CCDC66: variants seen among roughly 807,000 people sequenced by gnomAD.
CCDC66 encodes coiled-coil domain-containing protein 66.
In CCDC66, 133 loss-of-function variants were observed where a neutral mutation model predicts 128.3. The observed-to-expected ratio is 1.04, with a 90% confidence interval of 0.90 to 1.20. The LOEUF is 1.20. Ranked by LOEUF, CCDC66 falls within the 50% of genes most tolerant of loss-of-function variation. The probability of loss-of-function intolerance (pLI) is 0.00; values close to 1 mark genes in which losing one functional copy is unlikely to be tolerated. For missense variants in CCDC66, 1,126 were observed against 1,075.5 expected (o/e 1.05, Z -0.66); for synonymous variants, 387 against 357.0 (o/e 1.08, Z -0.95).
intron 1 of CCDC66, among the ~76,000 whole-genome samples, chr3:56,557,541 G>A (rs1160215862): frequency 6.6e-6 from 1 of 152,232 alleles, no homozygotes; most frequent in Non-Finnish European, 1.5e-5. Flanking sequence ...GAGAGGTGAG[G>A]AGGAAAGGAG....
At chr3:56,567,607 A>G (rs1022493510) in intron 6 of CCDC66, among the ~76,000 whole-genome samples, 25 of 152,258 alleles carry the variant, frequency 1.6e-4, no homozygotes, top group African/African-American at 5.8e-4. Flanking sequence ...TTGAGGTTAC[A>G]GAAACAATAG....
chr3:56,593,554 T>A lies in CCDC66; in HGVS notation c.1132T>A (p.Ser378Thr). The A allele has an allele frequency of 6.2e-7, 1 of 1,614,108 alleles. No individual in the cohort carries two copies. Among genetic ancestry groups the A allele is most frequent in the Non-Finnish European group, 8.5e-7 (1 of 1,179,964 alleles). ...DSLKSYPGSQ[S>T]QLFSQSTHKQ... ...ATTAAAGAGTTATCCTGGTTCTCAA[T>A]CTCAGCTGTTCTCTCAGTCAACACA... Residue 378 changes from serine (S) to threonine (T), a missense_variant, in exon 9 of 18, where the codon TCT (serine) becomes ACT (threonine). Ser to Thr is a moderately conservative substitution (Grantham distance 58). Transcript: ENST00000394672.
At chr3:56,592,884 G>T (rs1281584386) in intron 7 of CCDC66, 86 bp from the exon 8 acceptor site, 2 of 1,406,888 alleles carry the variant, frequency 1.4e-6, no homozygotes, top group Admixed American at 2.3e-5. Flanking sequence ...GATTAAATCT[G>T]TATGTTACTT....
chr3:56,566,907 A>G (rs778885250), intron 5 of CCDC66, 43 bp from the exon 6 acceptor site: 10 of 1,548,930 alleles, frequency 6.5e-6, no homozygotes, highest in Non-Finnish European at 8.9e-6. Context: ...GTTGTGTAGA[A>G]ATGTATGATA....
intron 10 of CCDC66, among the ~76,000 whole-genome samples, chr3:56,609,044 A>G (rs2074447599): frequency 6.6e-6 from 1 of 152,092 alleles, no homozygotes; most frequent in African/African-American, 2.4e-5. Flanking sequence ...TATTTTGGAG[A>G]AAGTTCCACG....
At chr3:56,571,911 G>A (rs1225048648) in intron 7 of CCDC66, among the ~76,000 whole-genome samples, 1 of 137,602 alleles carries the variant, frequency 7.3e-6, no homozygotes, top group Non-Finnish European at 1.7e-5. Flanking sequence ...TTTAGAGACA[G>A]GGTCTCACTG....
intron 10 of CCDC66, among the ~76,000 whole-genome samples, chr3:56,613,206 C>T (rs1382566953): frequency 1.3e-5 from 2 of 152,138 alleles, no homozygotes; most frequent in African/African-American, 2.4e-5. Context: ...TTCATGTGGT[C>T]TCCAGGTAAC....
intron 7 of CCDC66, among the ~76,000 whole-genome samples, chr3:56,574,512 G>A (rs967907531): frequency 6.6e-6 from 1 of 151,808 alleles, no homozygotes; most frequent in African/African-American, 2.4e-5. Context: ...AATCCCAGCT[G>A]TAGCCACAAC....
rs1050541317 is a variant in CCDC66, at chr3:56,600,341, A to G, written c.1404+6313A>G. 3.3e-5 allele frequency among the ~76,000 whole-genome samples: 5 copies of G among 151,360 alleles called. No homozygotes were observed. In the East Asian group the frequency reaches 7.8e-4, roughly 24 times the overall value. ...TTTTTGTATTTTTAGTACAGAGAGC[A>G]TTTCACCATGTTGGCCAGGATGGTC... On this transcript the variant is annotated intron_variant, in intron 10 of 17. Transcript: ENST00000394672.
intron 7 of CCDC66, among the ~76,000 whole-genome samples, chr3:56,583,089 A>G (rs1406618341): frequency 6.6e-6 from 1 of 151,124 alleles, no homozygotes; most frequent in African/African-American, 2.4e-5. Context: ...CTGGTCTCAA[A>G]CTCCTGGGTT....
intron 11 of CCDC66, 111 bp downstream of exon 11, chr3:56,613,861 G>A (rs1460320372): frequency 1.3e-5 from 11 of 840,520 alleles, no homozygotes; most frequent in Middle Eastern, 3.7e-4. Flanking sequence ...GCTCACTGCA[G>A]TCTTGACCTC....
intron 7 of CCDC66, among the ~76,000 whole-genome samples, chr3:56,585,730 ATATT>A (rs1200327833): frequency 6.6e-6 from 1 of 151,864 alleles, no homozygotes; most frequent in Non-Finnish European, 1.5e-5. Context: ...TAGAGCTAAA[ATATT>A]TAATGCCTAG....
At chr3:56,571,388 G>GT (rs35443637) in intron 7 of CCDC66, 86 bp downstream of exon 7, 5,627 of 525,806 alleles carry the variant, frequency 0.011, no homozygotes, top group East Asian at 0.03. Context: ...AAAAAAAAAA[G>GT]TTTTTTTTTT....
intron 10 of CCDC66, among the ~76,000 whole-genome samples, chr3:56,612,621 G>T (rs753519019): frequency 1.6e-4 from 25 of 152,200 alleles, no homozygotes; most frequent in Non-Finnish European, 3.1e-4. Context: ...AACCCTCTGG[G>T]ATCCAAGCAG....
At chr3:56,563,394 A>G (rs373541245) in intron 3 of CCDC66, 4 of 4,770 alleles carry the variant, frequency 8.4e-4, no homozygotes, top group Admixed American at 2.7e-3. Context: ...TTTTTAATTG[A>G]AAAAAAAAAA....
chr3:56,613,653 AGAAG>A lies in CCDC66; in HGVS notation c.1474_1477del (p.Glu492AsnfsTer8), dbSNP rs1340499694. ...AAACAACTGGAGGAAGAGCAAAGAA[AGAAG>A]GAAGAACAAGAAGAGGAGCTTCGCT... is the stretch of plus-strand genomic sequence containing the variant. On this transcript the variant is annotated frameshift_variant, in exon 11 of 18. Coordinates refer to ENST00000394672, the MANE Select transcript of CCDC66 (RefSeq NM_001141947.3). LOFTEE classifies it high-confidence loss of function. The A allele has an allele frequency of 4.3e-6, 7 of 1,614,000 alleles. No homozygotes were observed. The highest frequency in any genetic ancestry group is 2.7e-5 in the African/African-American group (2 of 74,924).
intron 10 of CCDC66, among the ~76,000 whole-genome samples, chr3:56,611,105 C>T (rs1194985736): frequency 1.3e-5 from 2 of 152,046 alleles, no homozygotes; most frequent in Admixed American, 1.3e-4. Context: ...GGAGAGGGAC[C>T]AGCCATGGTG....
chr3:56,589,004 A>G (rs759667160), intron 7 of CCDC66, among the ~76,000 whole-genome samples: 2 of 152,226 alleles, frequency 1.3e-5, no homozygotes, highest in African/African-American at 2.4e-5. Context: ...GTCAAAGTGG[A>G]TATTAGTAAA....
At chr3:56,571,101 C>G in intron 6 of CCDC66, 80 bp from the exon 7 acceptor site, 2 of 1,021,624 alleles carry the variant, frequency 2.0e-6, no homozygotes, top group East Asian at 5.4e-5. Flanking sequence ...TTGGTATCTG[C>G]ATTAAGAAGG....
Sources: gnomAD v4.1 joint callset for allele counts (sites outside exome capture counted in the v4.1 genomes callset) on GRCh38, gnomAD v4.1.1 for gene constraint, MANE v1.5 for transcripts, NCBI Gene and HGNC (gene_info 2026-07-23, HGNC 2026-07-21) for gene names.